Variants in ZNF583 observed in about 807,000 individuals in gnomAD.
ZNF583 encodes the protein zinc finger protein L3-5.
Under a neutral mutation model 55.3 loss-of-function variants are expected in ZNF583, and 30 were observed. The observed-to-expected ratio is 0.54, with a 90% CI of 0.41 to 0.74. ZNF583 has a LOEUF of 0.74. Ranked by LOEUF, ZNF583 falls within the 30% of genes least tolerant of loss-of-function variation. The probability of loss-of-function intolerance (pLI) is 0.00; values close to 1 mark genes in which losing one functional copy is unlikely to be tolerated. For missense variants in ZNF583, 504 were observed against 664.7 expected (o/e 0.76, Z 2.66); for synonymous variants, 208 against 220.0 (o/e 0.95, Z 0.48).
At chr19:56,416,485 T>C (rs1256052917) in intron 4 of ZNF583, among the ~76,000 whole-genome samples, 1 of 151,830 alleles carries the variant, frequency 6.6e-6, no homozygotes, top group East Asian at 1.9e-4. Context: ...ACTAATTCTT[T>C]CCTTCTAATT....
chr19:56,413,204 A>T (rs563880526), intron 2 of ZNF583, among the ~76,000 whole-genome samples: 3 of 152,368 alleles, frequency 2.0e-5, no homozygotes, highest in Non-Finnish European at 4.4e-5. Flanking sequence ...AAATGTAAAA[A>T]ATACGTGAGA....
At chr19:56,421,017 G>C (rs1309679090) in intron 4 of ZNF583, among the ~76,000 whole-genome samples, 2 of 151,648 alleles carry the variant, frequency 1.3e-5, no homozygotes, top group Non-Finnish European at 2.9e-5. Flanking sequence ...TTATCTGCTG[G>C]CTTGTTGTAC....
rs2042164992 is a variant in ZNF583, at chr19:56,407,056, C to T, written c.-59C>T. 3 of 1,603,698 alleles carry T rather than the reference C, an allele frequency of 1.9e-6. No individual in the cohort carries two copies. The highest frequency in any genetic ancestry group is 2.6e-6 in the Non-Finnish European group (3 of 1,171,522). ...CTTTCTCAGGATACTGTCCCTCTCC[C>T]ACAGAGGAGCTGAAGGAGTAGGACA... On this transcript the variant is annotated 5_prime_UTR_variant, in exon 2 of 5. Transcript: ENST00000333201.
At position 56,404,863 on chromosome 19, in the gene ZNF583, G is replaced by A. The variant is rs554134152; in HGVS notation, c.-90+411G>A. ...TCACCATGTGTGAGACTGGGAATGT[G>A]TGACAGTGTTAAACTGTCATTATGT... On this transcript the variant is annotated intron_variant, in intron 1 of 4. Coordinates refer to ENST00000333201, the MANE Select transcript of ZNF583 (RefSeq NM_152478.3). The surrounding 1 kb of genome is among the most constrained non-coding windows in gnomAD (Gnocchi z 5.2). 2.0e-5 allele frequency among the ~76,000 whole-genome samples: 3 copies of A among 152,332 alleles called. No individual in the cohort carries two copies. The South Asian group carries it at 6.2e-4, about 32-fold the overall frequency.
At position 56,426,226 on chromosome 19, in the gene ZNF583, A is replaced by G. The variant is rs1395512334; in HGVS notation, c.*1858A>G. On this transcript the variant is annotated 3_prime_UTR_variant, in exon 5 of 5. Coordinates refer to ENST00000333201, the MANE Select transcript of ZNF583 (RefSeq NM_152478.3). ...TATAACAAAAGTGACCTATACCATC[A>G]GTGGTTTAACAGTTTTGGAAAAATT... is the stretch of plus-strand genomic sequence containing the variant. The G allele has an allele frequency of 6.6e-6, 1 of 152,194 alleles. No homozygotes were observed. Among genetic ancestry groups the G allele is most frequent in the Non-Finnish European group, 1.5e-5 (1 of 68,032 alleles). The allele number at this position is 152,194 out of a possible 1,614,324, so 9.4% of individuals were successfully genotyped here.
rs756599155 is a variant in ZNF583, at chr19:56,407,122, A to G, written c.8A>G (p.Lys3Arg). ...TCTGGAATCCTTAAAGCCATGTCCA[A>G]GGTAAGGAAGCATTTCTTCTCTCTT... The part of the protein sequence containing the change: MS[K>R]DLVTFGDVAV... The change falls in exon 2 of 5, where the codon AAG (lysine) becomes AGG (arginine). Residue 3 changes from lysine to arginine, a missense_variant and splice_region_variant. By Grantham distance (26) the Lys-to-Arg change is conservative. Transcript: ENST00000333201. 2.5e-6 allele frequency: 4 copies of G among 1,614,018 alleles called. No individual in the cohort carries two copies. The highest frequency in any genetic ancestry group is 1.7e-5 in the Admixed American group (1 of 60,002).
chr19:56,418,443 A>C (rs763345867), intron 4 of ZNF583, among the ~76,000 whole-genome samples: 35 of 152,296 alleles, frequency 2.3e-4, no homozygotes, highest in Middle Eastern at 3.4e-3. Context: ...AATTTATCTT[A>C]AGAATATTTT....
Position 56,414,085 on chromosome 19 carries a change from G to A in ZNF583, c.136G>A (p.Gly46Arg). The change falls in exon 3 of 5, where the codon GGA (glycine) becomes AGA (arginine). Residue 46 changes from glycine to arginine, a missense_variant and splice_region_variant. Physicochemically the swap from Gly to Arg is moderately radical, Grantham distance 125. Coordinates refer to ENST00000333201, the MANE Select transcript of ZNF583 (RefSeq NM_152478.3). ...LENYRSLVSLGVSVSKPDVIS... is the reference protein window; with the variant it reads ...LENYRSLVSLRVSVSKPDVIS... The stretch of plus-strand genomic sequence containing the variant: ...GAACTACAGGAGCTTGGTATCATTG[G>A]GTAAGGACATGTCCCCTTAATTCAG... 6.3e-7 allele frequency: 1 copy of A among 1,586,500 alleles called. No individual in the cohort carries two copies. The highest frequency in any genetic ancestry group is 8.6e-7 in the Non-Finnish European group (1 of 1,168,714).
intron 2 of ZNF583, among the ~76,000 whole-genome samples, chr19:56,411,702 T>G (rs1166254069): frequency 6.6e-6 from 1 of 152,230 alleles, no homozygotes; most frequent in Non-Finnish European, 1.5e-5. Context: ...CACATTCTTT[T>G]CCTTCTTTGA....
At chr19:56,412,436 C>G (rs549356677) in intron 2 of ZNF583, among the ~76,000 whole-genome samples, 1 of 152,178 alleles carries the variant, frequency 6.6e-6, no homozygotes, top group African/African-American at 2.4e-5. Context: ...TATTTGGGAG[C>G]TGTACTGTAA....
At position 56,427,022 on chromosome 19, in the gene ZNF583, G is replaced by A. The variant is rs2042496458; in HGVS notation, c.*2654G>A. The A allele has an allele frequency of 6.6e-6, 1 of 151,860 alleles. No individual in the cohort carries two copies. Among genetic ancestry groups the A allele is most frequent in the Non-Finnish European group, 1.5e-5 (1 of 67,992 alleles). 9.4% of individuals were successfully genotyped at this position (151,860 alleles called of 1,614,324 possible). On this transcript the variant is annotated 3_prime_UTR_variant, in exon 5 of 5. Transcript: ENST00000333201. Reference sequence around the variant, plus strand: ...CAGGGAAGAGTGTTCATGAATTGTAGCAGAAGATGCTGCATGTTATATGCG... The same window carrying A: ...CAGGGAAGAGTGTTCATGAATTGTAACAGAAGATGCTGCATGTTATATGCG...
At chr19:56,412,840 T>C (rs2042259077) in intron 2 of ZNF583, among the ~76,000 whole-genome samples, 1 of 152,216 alleles carries the variant, frequency 6.6e-6, no homozygotes, top group African/African-American at 2.4e-5. Flanking sequence ...ACATTAGAAG[T>C]CATAGTCTTT....
At chr19:56,419,344 C>T (rs1355487520) in intron 4 of ZNF583, among the ~76,000 whole-genome samples, 7 of 151,916 alleles carry the variant, frequency 4.6e-5, no homozygotes, top group South Asian at 2.1e-4. Flanking sequence ...TACAGGCATG[C>T]GCCACCATGC....
chr19:56,422,614 G>A (rs2042433417), intron 4 of ZNF583, among the ~76,000 whole-genome samples: 1 of 152,102 alleles, frequency 6.6e-6, no homozygotes, highest in East Asian at 1.9e-4. Flanking sequence ...GAGGAAAGGT[G>A]TTTGAAGTCT....
At chr19:56,415,641 G>A (rs1229161887) in intron 4 of ZNF583, among the ~76,000 whole-genome samples, 1 of 152,158 alleles carries the variant, frequency 6.6e-6, no homozygotes, top group African/African-American at 2.4e-5. Context: ...GTGGTGCACT[G>A]CAACCTCCAC....
chr19:56,418,484 A>G (rs901727821), intron 4 of ZNF583, among the ~76,000 whole-genome samples: 5 of 152,026 alleles, frequency 3.3e-5, no homozygotes, highest in Non-Finnish European at 7.4e-5. Flanking sequence ...ACTCTGTTAA[A>G]TTTTTTTTCC....
chr19:56,422,855 A>C (rs2042437294), intron 4 of ZNF583, 36 bp from the exon 5 acceptor site: 1 of 1,491,014 alleles, frequency 6.7e-7, no homozygotes, highest in Non-Finnish European at 9.0e-7. Flanking sequence ...CTAGTGAATT[A>C]AATACAAAAG....
rs1312018701 is a variant in ZNF583, at chr19:56,425,715, T to C, written c.*1347T>C. 1 of 152,240 alleles carries C rather than the reference T, an allele frequency of 6.6e-6. No homozygotes were observed. Among genetic ancestry groups the C allele is most frequent in the Non-Finnish European group, 1.5e-5 (1 of 68,038 alleles). The allele number at this position is 152,240 out of a possible 1,614,324, so 9.4% of individuals were successfully genotyped here. On this transcript the variant is annotated 3_prime_UTR_variant, in exon 5 of 5. Transcript: ENST00000333201. ...ATGTCATTTAAAATAATAAAGGTTG[T>C]TAAATTACTAAAATTTCAAAACTAG...
chr19:56,405,876 C>G (rs1389341262), intron 1 of ZNF583, among the ~76,000 whole-genome samples: 1 of 152,126 alleles, frequency 6.6e-6, no homozygotes, highest in Admixed American at 6.5e-5. Flanking sequence ...ACCTAACTTG[C>G]CAGAGGTTGT....
Sources: gnomAD v4.1 joint callset for allele counts (sites outside exome capture counted in the v4.1 genomes callset) on GRCh38, gnomAD v4.1.1 for gene constraint, Gnocchi (gnomAD v3.1) non-coding constraint, MANE v1.5 for transcripts, NCBI Gene and HGNC (gene_info 2026-07-23, HGNC 2026-07-21) for gene names.